The following LURAP1L variants were observed in gnomAD, a reference collection of about 807,000 sequenced individuals.
LURAP1L encodes leucine rich adaptor protein 1-like.
A neutral mutation model predicts 13.8 loss-of-function variants in LURAP1L; 12 were observed. That is an observed-to-expected ratio of 0.87 (90% CI 0.56 to 1.41). The LOEUF is 1.41. LURAP1L is among the 40% of genes most tolerant of loss of function. The probability of loss-of-function intolerance (pLI) is 0.00; values close to 1 mark genes in which losing one functional copy is unlikely to be tolerated. For synonymous variants in LURAP1L, 139 were observed against 119.2 expected (o/e 1.17, Z -1.08); for missense variants, 375 against 292.9 (o/e 1.28, Z -2.04).
chr9:12,803,233 C>A (rs767469586), intron 1 of LURAP1L, among the ~76,000 whole-genome samples: 1 of 152,154 alleles, frequency 6.6e-6, no homozygotes, highest in Non-Finnish European at 1.5e-5. Context: ...TTTCCTATAT[C>A]TTGAAAAATT....
At chr9:12,788,911 A>G (rs76668138) in intron 1 of LURAP1L, among the ~76,000 whole-genome samples, 2 of 150,224 alleles carry the variant, frequency 1.3e-5, no homozygotes, top group Admixed American at 1.3e-4. Flanking sequence ...ATATATATAT[A>G]TTTTTAATAA....
In LURAP1L at chr9:12,799,334, A is replaced by T. The variant is rs183909881; in HGVS notation, c.313-22052A>T. ...CTTGGAAATCATAACTTATGCATTT[A>T]TCGACACAGTTTTCAATGCACATAT... On this transcript the variant is annotated intron_variant, in intron 1 of 1. Coordinates refer to ENST00000319264, the MANE Select transcript of LURAP1L (RefSeq NM_203403.2). Among the ~76,000 whole-genome samples, 472 of 152,312 alleles carry T rather than the reference A, an allele frequency of 3.1e-3. 9 individuals carry two copies. The highest frequency in any genetic ancestry group is 6.6e-4 in the Non-Finnish European group (45 of 68,026).
intron 1 of LURAP1L, among the ~76,000 whole-genome samples, chr9:12,819,460 A>C (rs1381864325): frequency 2.6e-5 from 4 of 152,192 alleles, no homozygotes; most frequent in African/African-American, 9.7e-5. Context: ...CTCATACAGA[A>C]ATATTTTTAC....
intron 1 of LURAP1L, among the ~76,000 whole-genome samples, chr9:12,794,098 C>T (rs904041705): frequency 8.6e-5 from 13 of 151,986 alleles, no homozygotes. Context: ...GAGTTTAAAA[C>T]GGAGATACAG....
intron 1 of LURAP1L, among the ~76,000 whole-genome samples, chr9:12,802,070 A>C (rs1192929593): frequency 6.6e-6 from 1 of 152,100 alleles, no homozygotes; most frequent in Non-Finnish European, 1.5e-5. Flanking sequence ...AGATATACAT[A>C]ATAAAGTTGG....
intron 1 of LURAP1L, among the ~76,000 whole-genome samples, chr9:12,779,179 T>G (rs1819233234): frequency 6.6e-6 from 1 of 152,096 alleles, no homozygotes; most frequent in African/African-American, 2.4e-5. Flanking sequence ...ACTACTACAT[T>G]TGGTTACTTT....
In LURAP1L at chr9:12,775,205, G is replaced by C. The variant is rs989512704; in HGVS notation, c.-511G>C. On this transcript the variant is annotated 5_prime_UTR_variant, in exon 1 of 2. Transcript: ENST00000319264. ...TATCCCGAAAGCTTGGAGGCATATGGCTGGAAAATGAAACGACCCAGGACA... is the reference window on the plus strand; with the variant it reads ...TATCCCGAAAGCTTGGAGGCATATGCCTGGAAAATGAAACGACCCAGGACA... 1.3e-5 allele frequency: 2 copies of C among 152,572 alleles called. No homozygotes were observed. The highest frequency in any genetic ancestry group is 4.8e-5 in the African/African-American group (2 of 41,436). The allele number at this position is 152,572 out of a possible 1,614,324, so 9.5% of individuals were successfully genotyped here.
At chr9:12,815,106 C>T (rs766396748) in intron 1 of LURAP1L, among the ~76,000 whole-genome samples, 26 of 152,104 alleles carry the variant, frequency 1.7e-4, no homozygotes, top group Admixed American at 2.6e-4. Context: ...TTTTATGGAT[C>T]TTCTGAGAAA....
intron 1 of LURAP1L, among the ~76,000 whole-genome samples, chr9:12,807,107 A>ATATATATATTAGCCGGGC (rs1819670316): frequency 7.3e-6 from 1 of 137,790 alleles, no homozygotes; most frequent in Admixed American, 8.2e-5. Context: ...ATATATATAT[A>ATATATATATTAGCCGGGC]TATATATATA....
intron 1 of LURAP1L, among the ~76,000 whole-genome samples, chr9:12,788,073 A>G (rs765520487): frequency 2.0e-5 from 3 of 151,624 alleles, no homozygotes; most frequent in Non-Finnish European, 2.9e-5. Context: ...CGTGGCACCA[A>G]TGCTTTCCAG....
chr9:12,807,094 A>AATATATATATATATAT lies in LURAP1L; in HGVS notation c.313-14283_313-14268dup, dbSNP rs71329889. Among the ~76,000 whole-genome samples, 46 of 116,166 alleles carry AATATATATATATATAT rather than the reference A, an allele frequency of 4.0e-4. 2 individuals carry two copies. The highest frequency in any genetic ancestry group is 3.0e-3 in the East Asian group (10 of 3,384). The allele number at this position is 116,166 out of a possible 152,430, so 76.2% of individuals were successfully genotyped here. A position where few individuals can be genotyped will look rare whatever the true frequency, so the allele number is the denominator to read the frequency against. ...CACGGCGAAGCCCTGTCTCTACTAA[A>AATATATATATATATAT]ATATATATATATATATATATATATT... On this transcript the variant is annotated intron_variant, in intron 1 of 1. Coordinates refer to ENST00000319264, the MANE Select transcript of LURAP1L (RefSeq NM_203403.2).
intron 1 of LURAP1L, among the ~76,000 whole-genome samples, chr9:12,793,872 G>A (rs979555850): frequency 9.9e-5 from 15 of 151,992 alleles, no homozygotes; most frequent in Non-Finnish European, 1.9e-4. Context: ...TAAATAAAAT[G>A]AGCTCAAAAT....
chr9:12,791,130 G>A (rs927909772), intron 1 of LURAP1L, among the ~76,000 whole-genome samples: 1 of 152,062 alleles, frequency 6.6e-6, no homozygotes, highest in Non-Finnish European at 1.5e-5. Context: ...AGTGAGCATC[G>A]TATCAGCAGT....
chr9:12,795,788 G>A (rs371217401), intron 1 of LURAP1L, among the ~76,000 whole-genome samples: 1 of 151,812 alleles, frequency 6.6e-6, no homozygotes, highest in Non-Finnish European at 1.5e-5. Flanking sequence ...GGTACCAAAC[G>A]GTCTCCATGT....
In LURAP1L at chr9:12,818,123, C is replaced by T. The variant is rs555744328; in HGVS notation, c.313-3263C>T. Among the ~76,000 whole-genome samples, 7 of 133,194 alleles carry T rather than the reference C, an allele frequency of 5.3e-5. No homozygotes were observed. In the South Asian group the frequency reaches 1.4e-3, roughly 26 times the overall value. The allele number at this position is 133,194 out of a possible 152,430, so 87.4% of individuals were successfully genotyped here. On this transcript the variant is annotated intron_variant, in intron 1 of 1. Transcript: ENST00000319264. ...AGTTCAATGGCCTGTGAATGTTTTG[C>T]TTCCACTAAAAAAAAAAAAAAAAAA...
At chr9:12,815,108 T>C (rs927218256) in intron 1 of LURAP1L, among the ~76,000 whole-genome samples, 2 of 152,186 alleles carry the variant, frequency 1.3e-5, no homozygotes, top group African/African-American at 2.4e-5. Flanking sequence ...TTATGGATCT[T>C]CTGAGAAAAC....
chr9:12,821,566 A>C lies in LURAP1L; in HGVS notation c.493A>C (p.Asn165His). 2.5e-6 allele frequency: 4 copies of C among 1,614,084 alleles called. No individual in the cohort carries two copies. The highest frequency in any genetic ancestry group is 3.4e-6 in the Non-Finnish European group (4 of 1,180,006). ...GAGCACCTCCTTACGTGGCAGCTAC[A>C]ACAGCCTACACGATGGCAGTGATGG... ...SQSTSLRGSY[N>H]SLHDGSDGLD... Residue 165 changes from asparagine to histidine, a missense_variant, in exon 2 of 2, where the codon AAC (asparagine) becomes CAC (histidine). Physicochemically the swap from Asn to His is moderately conservative, Grantham distance 68 (BLOSUM62 1). Transcript: ENST00000319264.
chr9:12,783,632 A>G (rs1228198385), intron 1 of LURAP1L, among the ~76,000 whole-genome samples: 1 of 152,052 alleles, frequency 6.6e-6, no homozygotes, highest in Non-Finnish European at 1.5e-5. Context: ...TTTTGCATCA[A>G]TGTTTATCAG....
At chr9:12,780,656 T>C (rs1819256866) in intron 1 of LURAP1L, among the ~76,000 whole-genome samples, 1 of 152,142 alleles carries the variant, frequency 6.6e-6, no homozygotes, top group South Asian at 2.1e-4. Flanking sequence ...AATGTGCCCA[T>C]TTACTGTGAA....
Sources: gnomAD v4.1 joint callset for allele counts (sites outside exome capture counted in the v4.1 genomes callset) on GRCh38, gnomAD v4.1.1 for gene constraint, MANE v1.5 for transcripts, NCBI Gene and HGNC (gene_info 2026-07-23, HGNC 2026-07-21) for gene names.